Variants in DIAPH2 observed in about 807,000 individuals in gnomAD.
DIAPH2 encodes diaphanous related formin 2.
DIAPH2 carries 35 observed loss-of-function variants against 92.7 expected under a neutral mutation model. That is an observed-to-expected ratio of 0.38 (90% CI 0.29 to 0.50). The LOEUF (loss-of-function observed/expected upper bound fraction) is 0.50. DIAPH2 is among the 20% of genes least tolerant of loss of function. The pLI is 0.94. For synonymous variants in DIAPH2, 301 were observed against 280.4 expected (o/e 1.07, Z -0.73); for missense variants, 701 against 819.5 (o/e 0.86, Z 1.77).
intron 4 of DIAPH2, among the ~76,000 whole-genome samples, chrX:96,807,320 G>A (rs2064635727): frequency 9.0e-6 from 1 of 111,566 alleles, no homozygotes; most frequent in Non-Finnish European, 1.9e-5. Context: ...TGAGGTACAT[G>A]AAAATGTTAA....
intron 23 of DIAPH2, among the ~76,000 whole-genome samples, chrX:97,342,119 A>G (rs938678847): frequency 2.7e-5 from 3 of 112,499 alleles, no homozygotes; most frequent in African/African-American, 9.7e-5. Flanking sequence ...TGTTATTAAA[A>G]TGTATTTAAG....
At chrX:96,997,578 A>G (rs907774368) in intron 17 of DIAPH2, among the ~76,000 whole-genome samples, 2 of 111,891 alleles carry the variant, frequency 1.8e-5, no homozygotes, top group Non-Finnish European at 3.8e-5. Flanking sequence ...TGTATGGCAT[A>G]CAAGAGTCAT....
chrX:97,155,635 T>C (rs771370382), intron 22 of DIAPH2, among the ~76,000 whole-genome samples: 10 of 112,268 alleles, frequency 8.9e-5, no homozygotes, highest in African/African-American at 3.2e-4. Flanking sequence ...TTATTTACCT[T>C]GTGAATCTTT....
chrX:97,330,539 G>T lies in DIAPH2; in HGVS notation c.2845-17577G>T, dbSNP rs546595830. Among the ~76,000 whole-genome samples the T allele has an allele frequency of 2.0e-4, 21 of 106,371 alleles. No homozygotes were observed. The South Asian group carries it at 9.1e-3, about 46-fold the overall frequency. The allele number at this position is 106,371 out of a possible 115,157, so 92.4% of individuals were successfully genotyped here. A position where few individuals can be genotyped will look rare whatever the true frequency, so the allele number is the denominator to read the frequency against. Reference sequence around the variant, plus strand: ...TTCTTTTTTTTTTTTTTGAGACAGAGTCTTGCTCTGTCACCCAGGCTGGAG... The same window carrying T: ...TTCTTTTTTTTTTTTTTGAGACAGATTCTTGCTCTGTCACCCAGGCTGGAG... On this transcript the variant is annotated intron_variant, in intron 23 of 26. Coordinates refer to ENST00000324765, the MANE Select transcript of DIAPH2 (RefSeq NM_006729.5).
intron 1 of DIAPH2, among the ~76,000 whole-genome samples, chrX:96,707,152 T>G (rs1188974477): frequency 9.2e-6 from 1 of 108,605 alleles, no homozygotes; most frequent in Non-Finnish European, 1.9e-5. Context: ...ATTGATTGAT[T>G]GATGGATTGA....
At chrX:97,517,452 C>T (rs1015551677) in intron 26 of DIAPH2, among the ~76,000 whole-genome samples, 2 of 111,952 alleles carry the variant, frequency 1.8e-5, no homozygotes, top group Non-Finnish European at 3.8e-5. Flanking sequence ...TCACTCTCAC[C>T]TGTAAGGCTG....
intron 14 of DIAPH2, among the ~76,000 whole-genome samples, chrX:96,946,563 A>G (rs1394037035): frequency 8.9e-6 from 1 of 112,248 alleles, no homozygotes; most frequent in African/African-American, 3.2e-5. Context: ...AGTTACTAGA[A>G]TAGATTCTAA....
At chrX:97,440,486 G>A (rs183326512) in intron 26 of DIAPH2, among the ~76,000 whole-genome samples, 2 of 108,957 alleles carry the variant, frequency 1.8e-5, no homozygotes, top group Admixed American at 2.0e-4. Flanking sequence ...CAGCCACTCG[G>A]GAGGCTGAAG....
chrX:97,233,394 A>G (rs1376410347), intron 22 of DIAPH2, among the ~76,000 whole-genome samples: 3 of 112,386 alleles, frequency 2.7e-5, no homozygotes, highest in African/African-American at 9.7e-5. Context: ...GGTTTTTCAT[A>G]TGTAAAACTG....
intron 23 of DIAPH2, among the ~76,000 whole-genome samples, chrX:97,332,354 G>A (rs760044899): frequency 8.9e-6 from 1 of 111,765 alleles, no homozygotes; most frequent in African/African-American, 3.2e-5. Context: ...TCAGTTCATA[G>A]ATCTTTTGAA....
At chrX:97,314,406 C>G (rs2068824082) in intron 23 of DIAPH2, among the ~76,000 whole-genome samples, 1 of 110,859 alleles carries the variant, frequency 9.0e-6, no homozygotes, top group African/African-American at 3.3e-5. Flanking sequence ...GAGTGAGATT[C>G]TGTCTCAAAA....
chrX:97,480,564 A>G (rs1267862182), intron 26 of DIAPH2, among the ~76,000 whole-genome samples: 1 of 111,367 alleles, frequency 9.0e-6, no homozygotes, highest in Admixed American at 9.5e-5. Flanking sequence ...GCTTGCAACT[A>G]CCGTAGGACA....
At chrX:96,948,052 C>G (rs780237836) in intron 14 of DIAPH2, among the ~76,000 whole-genome samples, 3 of 111,929 alleles carry the variant, frequency 2.7e-5, no homozygotes, top group Non-Finnish European at 5.6e-5. Flanking sequence ...GGTTAACCAT[C>G]TGAATGAGAC....
At chrX:97,232,271 G>A (rs1180538545) in intron 22 of DIAPH2, among the ~76,000 whole-genome samples, 1 of 111,559 alleles carries the variant, frequency 9.0e-6, no homozygotes, top group Non-Finnish European at 1.9e-5. Context: ...GTCTCGCTCT[G>A]TCACCCAGGC....
rs1273292094 is a variant in DIAPH2, at chrX:97,128,129, G to C, written c.2589+13164G>C. Among the ~76,000 whole-genome samples, 9 of 111,653 alleles carry C rather than the reference G, an allele frequency of 8.1e-5. No homozygotes were observed. In the Admixed American group the frequency reaches 8.5e-4, roughly 11 times the overall value. Reference sequence around the variant, plus strand: ...TTAAGAAAGTAAAAGAATAAAAAATGGCTACTCCATAGACAGAACAGCCCT... The same window carrying C: ...TTAAGAAAGTAAAAGAATAAAAAATCGCTACTCCATAGACAGAACAGCCCT... On this transcript the variant is annotated intron_variant, in intron 21 of 26. Coordinates refer to ENST00000324765, the MANE Select transcript of DIAPH2 (RefSeq NM_006729.5).
intron 17 of DIAPH2, among the ~76,000 whole-genome samples, chrX:96,971,074 A>G (rs867998964): frequency 8.9e-6 from 1 of 112,128 alleles, no homozygotes; most frequent in African/African-American, 3.2e-5. Context: ...TTTGAATTGA[A>G]TGCTACAAGA....
intron 23 of DIAPH2, among the ~76,000 whole-genome samples, chrX:97,249,235 C>T (rs2068167109): frequency 9.0e-6 from 1 of 111,612 alleles, no homozygotes; most frequent in African/African-American, 3.3e-5. Flanking sequence ...CAGCTTGCAA[C>T]ATTGAGTCTT....
chrX:97,370,942 C>T (rs978829037), intron 24 of DIAPH2, among the ~76,000 whole-genome samples: 3 of 111,804 alleles, frequency 2.7e-5, no homozygotes, highest in Non-Finnish European at 5.6e-5. Flanking sequence ...GCAGATATAT[C>T]GGAACCAATC....
chrX:97,241,593 T>C (rs937610529), intron 22 of DIAPH2, among the ~76,000 whole-genome samples: 6 of 110,472 alleles, frequency 5.4e-5, no homozygotes, highest in African/African-American at 9.9e-5. Context: ...CCACCACGCC[T>C]GGCCAGTAAT....
Sources: gnomAD v4.1 joint callset for allele counts (sites outside exome capture counted in the v4.1 genomes callset) on GRCh38, gnomAD v4.1.1 for gene constraint, MANE v1.5 for transcripts, NCBI Gene and HGNC (gene_info 2026-07-23, HGNC 2026-07-21) for gene names.